Variants in LINGO2 observed in about 807,000 individuals in gnomAD.
The protein encoded by LINGO2 is leucine-rich repeat and immunoglobulin-like domain-containing nogo receptor-interacting protein 2.
Under a neutral mutation model 30.6 loss-of-function variants are expected in LINGO2, and 14 were observed. The ratio of observed to expected loss-of-function variants is 0.46; its 90% confidence interval spans 0.30 to 0.72. The LOEUF is 0.72. Among genes scored for constraint, LINGO2 ranks in the 30% least tolerant of loss-of-function variants. The pLI, the probability that LINGO2 is intolerant of heterozygous loss-of-function variation, is 0.07. For missense variants in LINGO2, 729 were observed against 751.7 expected, an observed-to-expected ratio of 0.97 and a Z score of 0.35; for synonymous variants, 317 against 288.5, an observed-to-expected ratio of 1.10 and a Z score of -1.00.
chr9:29,093,029 G>GTATATATATATA, the LINGO2 span, among the ~76,000 whole-genome samples: 125 of 98,546 alleles, frequency 1.3e-3, 3 homozygotes, highest in African/African-American at 4.7e-3. Context: ...TAATGTGTGT[G>GTATATATATATA]TATATATATA....
rs1822469257 is a variant in LINGO2, at chr9:28,009,887, TAAC to T, written c.-36+2465_-36+2467del. Among the ~76,000 whole-genome samples, 3 of 152,174 alleles carry T rather than the reference TAAC, an allele frequency of 2.0e-5. No homozygotes were observed. In the South Asian group the frequency reaches 6.2e-4, roughly 32 times the overall value. On this transcript the variant is annotated intron_variant, in intron 5 of 5. Transcript: ENST00000379992. The stretch of plus-strand genomic sequence containing the variant: ...CTCCTGGGTACATACTCAAGAGAAG[TAAC>T]AATAAATATCTATACAAAAACTTGC...
At chr9:28,967,013 C>T in the LINGO2 span, among the ~76,000 whole-genome samples, 8 of 152,068 alleles carry the variant, frequency 5.3e-5, no homozygotes, top group Admixed American at 3.3e-4. Flanking sequence ...TTCAAGATTT[C>T]ACCCATTTTG....
At chr9:28,464,558 A>T (rs1825221650) in intron 2 of LINGO2, among the ~76,000 whole-genome samples, 1 of 152,206 alleles carries the variant, frequency 6.6e-6, no homozygotes, top group Non-Finnish European at 1.5e-5. Flanking sequence ...GTGTTTGTGG[A>T]AGAAATGTAT....
chr9:28,426,234 C>T lies in LINGO2; in HGVS notation c.-279+49706G>A, dbSNP rs148666506. ...TGGGGAAAAATGATAAATAGCACAT[C>T]CCCCTCCAAAATAAAATATCCCTCC... On this transcript the variant is annotated intron_variant, in intron 2 of 5. Transcript: ENST00000379992. 7.2e-4 allele frequency among the ~76,000 whole-genome samples: 109 copies of T among 152,076 alleles called. 2 individuals are homozygous for T. The highest frequency in any genetic ancestry group is 6.6e-3 in the Admixed American group (100 of 15,236).
chr9:28,779,038 A>G, the LINGO2 span, among the ~76,000 whole-genome samples: 2 of 152,200 alleles, frequency 1.3e-5, no homozygotes, highest in African/African-American at 4.8e-5. Context: ...ACTAAATCTT[A>G]ACCGTACTAT....
the LINGO2 span, among the ~76,000 whole-genome samples, chr9:28,772,596 G>A: frequency 6.6e-6 from 1 of 152,186 alleles, no homozygotes; most frequent in African/African-American, 2.4e-5. Flanking sequence ...ATTGTCCGCT[G>A]AAGCTGAAAG....
At chr9:28,578,917 G>C (rs1334815859) in intron 1 of LINGO2, among the ~76,000 whole-genome samples, 2 of 152,068 alleles carry the variant, frequency 1.3e-5, no homozygotes, top group African/African-American at 2.4e-5. Flanking sequence ...CCCCAGTCAT[G>C]GTATTGCACT....
chr9:28,876,865 C>G, the LINGO2 span, among the ~76,000 whole-genome samples: 5 of 152,006 alleles, frequency 3.3e-5, no homozygotes, highest in Non-Finnish European at 7.4e-5. Context: ...GCAGTCCCAC[C>G]AACAGTGTAA....
intron 3 of LINGO2, among the ~76,000 whole-genome samples, chr9:28,328,922 G>T (rs1026238473): frequency 1.3e-5 from 2 of 151,994 alleles, no homozygotes; most frequent in Non-Finnish European, 2.9e-5. Context: ...AGTCCTTCTG[G>T]GATTAATACT....
the LINGO2 span, among the ~76,000 whole-genome samples, chr9:28,808,639 T>C: frequency 6.6e-6 from 1 of 152,202 alleles, no homozygotes; most frequent in African/African-American, 2.4e-5. Context: ...TGGGATAAGG[T>C]GAAAGCTAAG....
intron 2 of LINGO2, among the ~76,000 whole-genome samples, chr9:28,397,822 C>T (rs1488168238): frequency 6.6e-6 from 1 of 152,160 alleles, no homozygotes; most frequent in Non-Finnish European, 1.5e-5. Context: ...GCTGGGATTA[C>T]AGGCGTGAGC....
At chr9:28,031,492 A>T (rs1823668810) in intron 4 of LINGO2, among the ~76,000 whole-genome samples, 1 of 150,736 alleles carries the variant, frequency 6.6e-6, no homozygotes, top group South Asian at 2.1e-4. Flanking sequence ...ACAAATTTCT[A>T]AAAAGCTGAT....
chr9:28,880,744 G>A, the LINGO2 span, among the ~76,000 whole-genome samples: 2 of 152,202 alleles, frequency 1.3e-5, no homozygotes, highest in South Asian at 2.1e-4. Context: ...TGAATGTCTT[G>A]GTATAAAACC....
exon 6 of LINGO2, chr9:27,949,746 A>G (rs1393394125): frequency 6.2e-7 from 1 of 1,614,176 alleles, no homozygotes. Flanking sequence ...AATGGTGCGA[A>G]GCTGGGCCCC....
At chr9:28,107,560 G>A (rs1479550239) in intron 4 of LINGO2, among the ~76,000 whole-genome samples, 1 of 152,008 alleles carries the variant, frequency 6.6e-6, no homozygotes, top group Non-Finnish European at 1.5e-5. Flanking sequence ...TCATCTATTT[G>A]TTTCAGTAAT....
chr9:27,949,077 T>C (rs758213541), exon 6 of LINGO2: 3 of 1,614,178 alleles, frequency 1.9e-6, no homozygotes, highest in East Asian at 2.2e-5. Context: ...GGAAAAAGTA[T>C]TGGCATTGGT....
intron 3 of LINGO2, among the ~76,000 whole-genome samples, chr9:28,321,136 C>T (rs561475232): frequency 3.3e-4 from 50 of 152,234 alleles, no homozygotes; most frequent in African/African-American, 1.1e-3. Context: ...ACACTCACTT[C>T]ATTTAAAGAA....
chr9:28,410,576 T>C (rs1822719773), intron 2 of LINGO2, among the ~76,000 whole-genome samples: 1 of 152,048 alleles, frequency 6.6e-6, no homozygotes, highest in Admixed American at 6.6e-5. Context: ...GTCCTGACAT[T>C]AATGAGAGCA....
the LINGO2 span, among the ~76,000 whole-genome samples, chr9:29,159,486 A>G: frequency 2.0e-5 from 3 of 152,204 alleles, no homozygotes; most frequent in Non-Finnish European, 4.4e-5. Flanking sequence ...TAAAACTCCT[A>G]AAAGCATAAC....
Sources: gnomAD v4.1 joint callset for allele counts (sites outside exome capture counted in the v4.1 genomes callset) on GRCh38, gnomAD v4.1.1 for gene constraint, MANE v1.5 for transcripts, NCBI Gene and HGNC (gene_info 2026-07-23, HGNC 2026-07-21) for gene names.